ESPNL: variants seen among roughly 807,000 people sequenced by gnomAD.
ESPNL encodes espin like, also known as espin-like protein.
In ESPNL, 49 loss-of-function variants were observed where a neutral mutation model predicts 46.8. The ratio of observed to expected loss-of-function variants is 1.05; its 90% confidence interval spans 0.83 to 1.33. The LOEUF (loss-of-function observed/expected upper bound fraction) is 1.33, where lower values mean the gene tolerates loss of function less well. Ranked by LOEUF, ESPNL falls within the 40% of genes most tolerant of loss-of-function variation. The probability of loss-of-function intolerance (pLI) is 0.00; values close to 1 mark genes in which losing one functional copy is unlikely to be tolerated. For missense variants in ESPNL, 1,540 were observed against 1,436.6 expected (o/e 1.07, Z -1.16); for synonymous variants, 664 against 662.1 (o/e 1.00, Z -0.04).
intron 6 of ESPNL, among the ~76,000 whole-genome samples, chr2:238,126,202 G>GT (rs1383915377): frequency 3.5e-5 from 4 of 115,358 alleles, no homozygotes; most frequent in Admixed American, 1.7e-4. Flanking sequence ...GTCTGTGATT[G>GT]TGTCTCTCTG....
chr2:238,105,655 C>T (rs1333255993), intron 3 of ESPNL, among the ~76,000 whole-genome samples: 3 of 151,582 alleles, frequency 2.0e-5, no homozygotes, highest in African/African-American at 7.3e-5. Context: ...CATTCAGAGG[C>T]GGGGAGAGCC....
At chr2:238,129,081 CTG>C in intron 8 of ESPNL, 177 bp downstream of exon 8, 1 of 1,426,496 alleles carries the variant, frequency 7.0e-7, no homozygotes, top group Non-Finnish European at 9.1e-7. Flanking sequence ...CCAGAGGACT[CTG>C]AGCAGAGCCC....
intron 1 of ESPNL, 124 bp from the exon 2 acceptor site, chr2:238,101,814 GGAA>G (rs5839683): frequency 0.52 from 347,429 of 667,930 alleles, 97,664 homozygotes; most frequent in Non-Finnish European, 0.6. Context: ...GAGGGAAGGA[GGAA>G]GGAGCTGGAA....
Position 238,130,209 on chromosome 2 carries a change from G to A in ESPNL, c.1495G>A (p.Gly499Arg). Reference sequence around the variant, plus strand: ...TCATCAGGCCATCCTGGGGCCCTTTGGGGAGCTGCTGACAGAGGATGACCT... The same window carrying A: ...TCATCAGGCCATCCTGGGGCCCTTTAGGGAGCTGCTGACAGAGGATGACCT... ...QTHQAILGPF[G>R]ELLTEDDLVY... is the part of the protein sequence containing the mutation. The change falls in exon 9 of 9, where the codon GGG becomes AGG. Residue 499 changes from glycine to arginine, a missense_variant. Transcript: ENST00000343063. The A allele has an allele frequency of 6.2e-7, 1 of 1,612,302 alleles. No homozygotes were observed. Among genetic ancestry groups the A allele is most frequent in the Non-Finnish European group, 8.5e-7 (1 of 1,179,710 alleles).
At chr2:238,117,152 A>G in intron 5 of ESPNL, 118 bp downstream of exon 5, 1 of 1,332,624 alleles carries the variant, frequency 7.5e-7, no homozygotes, top group Non-Finnish European at 1.0e-6. Flanking sequence ...TGTCCAACTC[A>G]TACATGGCAT....
At chr2:238,119,428 G>A (rs1166298534) in intron 5 of ESPNL, among the ~76,000 whole-genome samples, 4 of 138,946 alleles carry the variant, frequency 2.9e-5, no homozygotes, top group Non-Finnish European at 6.2e-5. Flanking sequence ...GAGGGTAGAT[G>A]GAGGAGGGGA....
In ESPNL at chr2:238,128,854, G is replaced by C; in HGVS notation, c.1363G>C (p.Val455Leu). ...PIPEWKRQVMVRKLQARLGAE... is the reference protein window; with the variant it reads ...PIPEWKRQVMLRKLQARLGAE... ...CCCAGAGTGGAAGCGGCAGGTGATG[G>C]TGCGGAAGCTGCAGGCGCGCCTGGG... The change falls in exon 8 of 9, where the codon GTG becomes CTG. Residue 455 changes from valine to leucine, a missense_variant. Coordinates refer to ENST00000343063, the MANE Select transcript of ESPNL (RefSeq NM_194312.4). The C allele has an allele frequency of 1.3e-6, 2 of 1,548,186 alleles. No individual in the cohort carries two copies. The highest frequency in any genetic ancestry group is 2.4e-5 in the East Asian group (1 of 40,922).
intron 2 of ESPNL, among the ~76,000 whole-genome samples, chr2:238,104,191 G>A (rs11896544): frequency 0.27 from 40,678 of 152,000 alleles, 8,006 homozygotes; most frequent in East Asian, 0.55. Context: ...GCACGAGCCC[G>A]AGAGTTGACC....
At chr2:238,128,491 T>G (rs965975488) in intron 7 of ESPNL, among the ~76,000 whole-genome samples, 4 of 152,068 alleles carry the variant, frequency 2.6e-5, no homozygotes, top group Non-Finnish European at 5.9e-5. Flanking sequence ...CACACACATC[T>G]TACCCCGCCC....
Position 238,130,734 on chromosome 2 carries a change from T to C in ESPNL, c.2020T>C (p.Cys674Arg), listed in dbSNP as rs1384796246. The C allele has an allele frequency of 6.4e-7, 1 of 1,564,740 alleles. No individual in the cohort carries two copies. Among genetic ancestry groups the C allele is most frequent in the Non-Finnish European group, 8.6e-7 (1 of 1,158,168 alleles). ...GPLCGFNPGP[C>R]EPGAQHRQCL... ...ACTCTGTGGCTTCAACCCTGGCCCCTGCGAGCCGGGGGCCCAGCACAGGCA... is the reference window on the plus strand; with the variant it reads ...ACTCTGTGGCTTCAACCCTGGCCCCCGCGAGCCGGGGGCCCAGCACAGGCA... Residue 674 changes from cysteine to arginine, a missense_variant, in exon 9 of 9, where the codon TGC becomes CGC. Cys to Arg is a radical substitution (Grantham distance 180, BLOSUM62 -3). Coordinates refer to ENST00000343063, the MANE Select transcript of ESPNL (RefSeq NM_194312.4).
chr2:238,118,153 G>A (rs1170184705), intron 5 of ESPNL, among the ~76,000 whole-genome samples: 1 of 149,446 alleles, frequency 6.7e-6, no homozygotes, highest in Admixed American at 6.6e-5. Context: ...GGAGGAGGGT[G>A]GATGGAGGAG....
chr2:238,130,494 A>AG lies in ESPNL; in HGVS notation c.1781dup (p.Ser594ArgfsTer25). ...GGTGCAGCCCCTGCCCTTCTGGTGC[A>AG]GCCACATCTCCCGCCTGGTACGCAG... On this transcript the variant is annotated frameshift_variant, in exon 9 of 9. Transcript: ENST00000343063. LOFTEE classifies it low-confidence loss of function (END_TRUNC). The AG allele has an allele frequency of 1.3e-6, 2 of 1,598,642 alleles. No individual in the cohort carries two copies. Among genetic ancestry groups the AG allele is most frequent in the African/African-American group, 2.7e-5 (2 of 74,820 alleles).
Position 238,130,497 on chromosome 2 carries a change from C to T in ESPNL, c.1783C>T (p.His595Tyr). The part of the protein sequence containing the change: ...GVQPLPFWCS[H>Y]ISRLVRSLSL... ...GCAGCCCCTGCCCTTCTGGTGCAGC[C>T]ACATCTCCCGCCTGGTACGCAGCCT... The change falls in exon 9 of 9, where the codon CAC (histidine) becomes TAC (tyrosine). Residue 595 changes from histidine (H) to tyrosine (Y), a missense_variant. Transcript: ENST00000343063. The T allele has an allele frequency of 6.3e-7, 1 of 1,598,430 alleles. No individual in the cohort carries two copies.
In ESPNL at chr2:238,130,864, G is replaced by C; in HGVS notation, c.2150G>C (p.Ser717Thr). 6.4e-7 allele frequency: 1 copy of C among 1,555,664 alleles called. No homozygotes were observed. The highest frequency in any genetic ancestry group is 8.7e-7 in the Non-Finnish European group (1 of 1,151,346). ...GAGGAGGCCAGCGACTCTGGCATCAGCTGCGAGGAGGTGCCATCAGAGGCG... is the reference window on the plus strand; with the variant it reads ...GAGGAGGCCAGCGACTCTGGCATCACCTGCGAGGAGGTGCCATCAGAGGCG... ...DTEEASDSGI[S>T]CEEVPSEAGA... The change falls in exon 9 of 9, where the codon AGC becomes ACC. Residue 717 changes from serine to threonine, a missense_variant. Coordinates refer to ENST00000343063, the MANE Select transcript of ESPNL (RefSeq NM_194312.4).
At chr2:238,124,574 C>T (rs1400834357) in intron 5 of ESPNL, among the ~76,000 whole-genome samples, 7 of 149,242 alleles carry the variant, frequency 4.7e-5, no homozygotes, top group Admixed American at 6.7e-5. Context: ...CAGGAGAGTA[C>T]GTGTGTGTGT....
chr2:238,129,105 C>G (rs1160408881), intron 8 of ESPNL: 1 of 1,417,572 alleles, frequency 7.1e-7, no homozygotes, highest in African/African-American at 1.4e-5. Context: ...TTCACCTGCT[C>G]TGGAGGCATG....
intron 6 of ESPNL, 106 bp downstream of exon 6, chr2:238,125,490 C>G: frequency 1.8e-6 from 1 of 555,186 alleles, no homozygotes; most frequent in Non-Finnish European, 3.0e-6. Context: ...TGCGGGCAGC[C>G]GGGCACCCCA....
At chr2:238,107,763 G>C (rs1198526361) in intron 3 of ESPNL, 28 bp from the exon 4 acceptor site, 1 of 1,542,588 alleles carries the variant, frequency 6.5e-7, no homozygotes, top group African/African-American at 1.4e-5. Flanking sequence ...TGGGAGGATG[G>C]CTGCTCCCTC....
chr2:238,101,305 G>A (rs893760065), intron 1 of ESPNL, among the ~76,000 whole-genome samples: 20 of 152,330 alleles, frequency 1.3e-4, no homozygotes, highest in Middle Eastern at 3.4e-3. Context: ...GAGTTGAGGT[G>A]GGGGCCGGTG....
Sources: gnomAD v4.1 joint callset for allele counts (sites outside exome capture counted in the v4.1 genomes callset) on GRCh38, gnomAD v4.1.1 for gene constraint, MANE v1.5 for transcripts, NCBI Gene and HGNC (gene_info 2026-07-23, HGNC 2026-07-21) for gene names.